EIF2B5: variants seen among roughly 807,000 people sequenced by gnomAD.
EIF2B5 encodes the protein eukaryotic translation initiation factor 2B subunit epsilon.
In EIF2B5, 38 loss-of-function variants were observed where a neutral mutation model predicts 87.3. The ratio of observed to expected loss-of-function variants is 0.44; its 90% CI spans 0.34 to 0.57. The LOEUF (loss-of-function observed/expected upper bound fraction) is 0.57. EIF2B5 is among the 20% of genes least tolerant of loss of function. The pLI is 0.02. For missense variants in EIF2B5, 784 were observed against 909.5 expected, an observed-to-expected ratio of 0.86 and a Z score of 1.78; for synonymous variants, 313 against 339.6, an observed-to-expected ratio of 0.92 and a Z score of 0.86.
In EIF2B5 at chr3:184,145,077, T is replaced by TA. The variant is rs1713809960; in HGVS notation, c.*135dup. The TA allele has an allele frequency of 1.2e-6, 1 of 811,796 alleles. No individual in the cohort carries two copies. Among genetic ancestry groups the TA allele is most frequent in the African/African-American group, 1.7e-5 (1 of 59,308 alleles). The allele number at this position is 811,796 out of a possible 1,614,324, so 50.3% of individuals were successfully genotyped here. On this transcript the variant is annotated 3_prime_UTR_variant, in exon 16 of 16. Transcript: ENST00000648915. This position sits in a 1 kb window ranked among gnomAD's most constrained non-coding sequence, Gnocchi z 4.0. ...GACTGAAAGGAGCAGAGGCTGGAACTACAGTATTCTTTCCCCTGCTAGCAA... is the reference window on the plus strand; with the variant it reads ...GACTGAAAGGAGCAGAGGCTGGAACTAACAGTATTCTTTCCCCTGCTAGCAA...
In EIF2B5 at chr3:184,137,776, CA is replaced by C; in HGVS notation, c.479del (p.Asn160IlefsTer11). The C allele has an allele frequency of 6.2e-7, 1 of 1,614,182 alleles. No individual in the cohort carries two copies. Among genetic ancestry groups the C allele is most frequent in the Non-Finnish European group, 8.5e-7 (1 of 1,180,038 alleles). ...TGTATGGGGATGTCATCTCAAACAT[CA>C]ATATCACCAGAGCCCTTGAGGAACA... is the stretch of plus-strand genomic sequence containing the variant. ...LVYGDVISNI[N>X]ITRALEEHRL... is the part of the protein sequence containing the mutation. On this transcript the variant is annotated frameshift_variant, in exon 3 of 16. Transcript: ENST00000648915. LOFTEE classifies it high-confidence loss of function.
chr3:184,142,085 A>G lies in EIF2B5; in HGVS notation c.1302+15A>G. ...TCACTTCCCAGGTGAGACCTGATCT[A>G]TACTGTGCACAGGCCCTGAATTGCA... is the stretch of plus-strand genomic sequence containing the variant. On this transcript the variant is annotated intron_variant, in intron 8 of 15. Transcript: ENST00000648915. This position sits in a 1 kb window ranked among gnomAD's most constrained non-coding sequence, Gnocchi z 5.0. 1 of 1,614,162 alleles carries G rather than the reference A, an allele frequency of 6.2e-7. No individual in the cohort carries two copies. The highest frequency in any genetic ancestry group is 8.5e-7 in the Non-Finnish European group (1 of 1,180,046).
chr3:184,145,289 A>C lies in EIF2B5; in HGVS notation c.*346A>C. The C allele has an allele frequency of 2.7e-6, 1 of 371,610 alleles. No homozygotes were observed. The highest frequency in any genetic ancestry group is 5.1e-6 in the Non-Finnish European group (1 of 197,482). 23.0% of individuals were successfully genotyped at this position (371,610 alleles called of 1,614,324 possible). A position where few individuals can be genotyped will look rare whatever the true frequency, so the allele number is the denominator to read the frequency against. On this transcript the variant is annotated 3_prime_UTR_variant, in exon 16 of 16. Coordinates refer to ENST00000648915, the MANE Select transcript of EIF2B5 (RefSeq NM_003907.3). This position sits in a 1 kb window ranked among gnomAD's most constrained non-coding sequence, Gnocchi z 4.0. The stretch of plus-strand genomic sequence containing the variant: ...CTCTTTCTGCTGCTTGTATATGTTA[A>C]TATTAAAAGAGAGAGTGGTGTATTT...
chr3:184,141,643 T>A (rs1247295985), intron 7 of EIF2B5, among the ~76,000 whole-genome samples: 1 of 152,092 alleles, frequency 6.6e-6, no homozygotes, highest in Non-Finnish European at 1.5e-5. Flanking sequence ...TAGGCGTGGA[T>A]ATGATTCTAA....
rs111387612 is a variant in EIF2B5 at position 184,137,686 on chromosome 3, A to G, written c.387A>G (p.Arg129=). ...VVRIITSELY[R]SLGDVLRDVD... The stretch of plus-strand genomic sequence containing the variant: ...GAATAATTACATCAGAGCTCTATCG[A>G]TCACTGGGAGATGTCCTCCGTGATG... Residue 129 remains arginine, a synonymous_variant, in exon 3 of 16, where the codon CGA becomes CGG. Transcript: ENST00000648915. The G allele has an allele frequency of 6.2e-7, 1 of 1,614,154 alleles. No individual in the cohort carries two copies. The highest frequency in any genetic ancestry group is 8.5e-7 in the Non-Finnish European group (1 of 1,180,024).
At position 184,143,493 on chromosome 3, in the gene EIF2B5, G is replaced by A. The variant is rs2109011425; in HGVS notation, c.1797G>A (p.Val599=). The change falls in exon 13 of 16, where the codon GTG becomes GTA. Residue 599 remains valine, a synonymous_variant. Coordinates refer to ENST00000648915, the MANE Select transcript of EIF2B5 (RefSeq NM_003907.3). ...LKEVMQVLSH[V]VLEFPLQQMD... ...AGGTGATGCAGGTACTGAGCCACGT[G>A]GTCCTGGAGTTCCCCCTGCAACAGA... The A allele has an allele frequency of 1.2e-6, 2 of 1,614,156 alleles. No homozygotes were observed. The highest frequency in any genetic ancestry group is 1.7e-6 in the Non-Finnish European group (2 of 1,180,020).
intron 1 of EIF2B5, 29 bp from the exon 2 acceptor site, chr3:184,136,583 C>G (rs761050107): frequency 4.3e-6 from 7 of 1,613,630 alleles, no homozygotes; most frequent in Admixed American, 3.3e-5. Flanking sequence ...TTCGAGACCT[C>G]AAGTTTTTTT....
At chr3:184,144,469 G>A (rs1402567434) in intron 14 of EIF2B5, 128 bp from the exon 15 acceptor site, 4 of 1,056,718 alleles carry the variant, frequency 3.8e-6, no homozygotes, top group South Asian at 1.3e-5. Context: ...CCCAGGAGCA[G>A]AGCGAACAGC....
intron 15 of EIF2B5, 73 bp from the exon 16 acceptor site, chr3:184,144,811 T>C: frequency 1.9e-6 from 3 of 1,586,404 alleles, no homozygotes; most frequent in Non-Finnish European, 1.7e-6. Context: ...TTGTTAGAGC[T>C]GTTTATCTGC....
In EIF2B5 at chr3:184,142,014, A is replaced by G. The variant is rs1249810494; in HGVS notation, c.1246A>G (p.Asn416Asp). Residue 416 changes from asparagine (N) to aspartate (D), a missense_variant, in exon 8 of 16, where the codon AAT (asparagine) becomes GAT (aspartate). By Grantham distance (23) the Asn-to-Asp change is conservative. Coordinates refer to ENST00000648915, the MANE Select transcript of EIF2B5 (RefSeq NM_003907.3). This position sits in a 1 kb window ranked among gnomAD's most constrained non-coding sequence, Gnocchi z 5.0. ...AQIHQSLLCD[N>D]AEVKERVTLK... ...GATCCATCAGTCTCTGCTTTGTGAC[A>G]ATGCTGAGGTCAAGGAACGAGTGAC... 6.2e-6 allele frequency: 10 copies of G among 1,614,000 alleles called. No homozygotes were observed. Among genetic ancestry groups the G allele is most frequent in the Admixed American group, 1.7e-5 (1 of 59,990 alleles).
chr3:184,135,712 C>A, intron 1 of EIF2B5, 132 bp downstream of exon 1: 2 of 1,282,552 alleles, frequency 1.6e-6, no homozygotes, highest in Non-Finnish European at 2.2e-6. Context: ...AAACCGGATG[C>A]AGAGGGACTG....
rs961024060 is a variant in EIF2B5 at position 184,142,910 on chromosome 3, C to T, written c.1654+24C>T. 2 of 1,600,050 alleles carry T rather than the reference C, an allele frequency of 1.2e-6. No homozygotes were observed. The highest frequency in any genetic ancestry group is 1.7e-6 in the Non-Finnish European group (2 of 1,170,284). On this transcript the variant is annotated intron_variant, in intron 11 of 15. Coordinates refer to ENST00000648915, the MANE Select transcript of EIF2B5 (RefSeq NM_003907.3). This position sits in a 1 kb window ranked among gnomAD's most constrained non-coding sequence, Gnocchi z 5.0. ...AGGTGAGTGGCAGGGGAGAAATGCG[C>T]TGGACCAGTTTATTCTCTGCCTGGA...
rs140990414 is a variant in EIF2B5 at position 184,138,059 on chromosome 3, G to A, written c.668G>A (p.Arg223His). The change falls in exon 4 of 16, where the codon CGT becomes CAT. Residue 223 changes from arginine (R) to histidine (H), a missense_variant. Arg to His is a conservative substitution (Grantham distance 29). Around this residue, in one of 3 missense-constraint regions of EIF2B5, gnomAD observed 660 missense variants for 789.5 expected, o/e 0.84. Transcript: ENST00000648915. ...TTTCAGAAGACCCAGGGTCTCCGGC[G>A]TTTTGCATTTCCTCTGGTGTGTGGA... ...LHFQKTQGLR[R>H]FAFPLSLFQG... 2.5e-5 allele frequency: 41 copies of A among 1,614,054 alleles called. No homozygotes were observed. Among genetic ancestry groups the A allele is most frequent in the South Asian group, 6.6e-5 (6 of 91,080 alleles).
chr3:184,141,609 G>C (rs1713638031), intron 7 of EIF2B5, among the ~76,000 whole-genome samples: 1 of 152,034 alleles, frequency 6.6e-6, no homozygotes, highest in Non-Finnish European at 1.5e-5. Context: ...TACCAGAAGA[G>C]GTGGAATTAT....
Position 184,138,309 on chromosome 3 carries a change from C to G in EIF2B5, c.765+63C>G, listed in dbSNP as rs76026904. 6.4e-3 allele frequency: 9,068 copies of G among 1,427,532 alleles called. 53 individuals carry two copies. Among genetic ancestry groups the G allele is most frequent in the Non-Finnish European group, 7.7e-3 (7,742 of 1,011,530 alleles). 88.4% of individuals were successfully genotyped at this position (1,427,532 alleles called of 1,614,324 possible). A position where few individuals can be genotyped will look rare whatever the true frequency, so the allele number is the denominator to read the frequency against. On this transcript the variant is annotated intron_variant, in intron 5 of 15. Transcript: ENST00000648915. ...TAGAACTCTGTGGGTCTGTTATTGT[C>G]CCCTTAGAAGGCCAGGGTATATTTC...
chr3:184,137,440 C>T (rs1713412896), intron 2 of EIF2B5, 180 bp from the exon 3 acceptor site: 9 of 662,814 alleles, frequency 1.4e-5, no homozygotes, highest in Admixed American at 4.5e-5. Flanking sequence ...AGACTGGTGA[C>T]ACAGGATGCT....
At chr3:184,139,743 C>T (rs544599699) in intron 5 of EIF2B5, among the ~76,000 whole-genome samples, 10 of 150,762 alleles carry the variant, frequency 6.6e-5, no homozygotes, top group Non-Finnish European at 1.5e-4. Flanking sequence ...CCTGGCCAAG[C>T]GTGGTGGCTC....
intron 5 of EIF2B5, among the ~76,000 whole-genome samples, chr3:184,138,536 G>C (rs1713467811): frequency 6.6e-6 from 1 of 151,686 alleles, no homozygotes; most frequent in Non-Finnish European, 1.5e-5. Context: ...TGTATTTTTA[G>C]TAGAGATGGG....
chr3:184,144,054 G>T, intron 13 of EIF2B5, 45 bp from the exon 14 acceptor site: 1 of 1,614,008 alleles, frequency 6.2e-7, no homozygotes. Flanking sequence ...CCAGGTATAG[G>T]TGAATGCTTA....
Sources: gnomAD v4.1 joint callset for allele counts (sites outside exome capture counted in the v4.1 genomes callset) on GRCh38, gnomAD v4.1.1 for gene constraint, gnomAD v4.1.1 regional missense constraint, Gnocchi (gnomAD v3.1) non-coding constraint, MANE v1.5 for transcripts, NCBI Gene and HGNC (gene_info 2026-07-23, HGNC 2026-07-21) for gene names.